RECK: variants seen among roughly 807,000 people sequenced by gnomAD.
RECK encodes the protein reversion-inducing cysteine-rich protein with Kazal motifs.
Under a neutral mutation model 115.1 loss-of-function variants are expected in RECK, and 69 were observed. The ratio of observed to expected loss-of-function variants is 0.60; its 90% CI spans 0.49 to 0.73. RECK has a LOEUF of 0.73. RECK is among the 30% of genes least tolerant of loss of function. The probability of loss-of-function intolerance (pLI) is 0.00; values close to 1 mark genes in which losing one functional copy is unlikely to be tolerated. For synonymous variants in RECK, 414 were observed against 419.7 expected, an observed-to-expected ratio of 0.99 and a Z score of 0.17; for missense variants, 1,047 against 1,203.7, an observed-to-expected ratio of 0.87 and a Z score of 1.93.
chr9:36,113,678 G>A (rs998225518), intron 16 of RECK, among the ~76,000 whole-genome samples: 2 of 152,110 alleles, frequency 1.3e-5, no homozygotes, highest in Non-Finnish European at 2.9e-5. Context: ...CATGGTAACA[G>A]ACAAATGACA....
At chr9:36,038,083 C>T (rs895785614) in intron 1 of RECK, among the ~76,000 whole-genome samples, 1 of 149,894 alleles carries the variant, frequency 6.7e-6, no homozygotes, top group African/African-American at 2.5e-5. Context: ...GAGGTGGAGG[C>T]GGGCGGATCC....
In RECK at chr9:36,083,536, C is replaced by T. The variant is rs140078883; in HGVS notation, c.611C>T (p.Ser204Phe). The T allele has an allele frequency of 5.2e-5, 84 of 1,613,584 alleles. No homozygotes were observed. The highest frequency in any genetic ancestry group is 7.1e-5 in the Non-Finnish European group (84 of 1,179,800). The change falls in exon 8 of 21, where the codon TCT becomes TTT. Residue 204 changes from serine to phenylalanine, a missense_variant. Transcript: ENST00000377966. ...LIHCVNNYTQ[S>F]YPMRNPTDSL... The stretch of plus-strand genomic sequence containing the variant: ...CATTGTGTGAACAATTATACTCAAT[C>T]TTATCCAATGAGGAACCCAACGGAT...
At position 36,117,058 on chromosome 9, in the gene RECK, A is replaced by G; in HGVS notation, c.2134A>G (p.Arg712Gly). 6.2e-7 allele frequency: 1 copy of G among 1,614,156 alleles called. No homozygotes were observed. The highest frequency in any genetic ancestry group is 8.5e-7 in the Non-Finnish European group (1 of 1,179,986). The change falls in exon 17 of 21, where the codon AGA becomes GGA. Residue 712 changes from arginine to glycine, a missense_variant. Physicochemically the swap from Arg to Gly is moderately radical, Grantham distance 125. Coordinates refer to ENST00000377966, the MANE Select transcript of RECK (RefSeq NM_021111.3). ...FGCSQYECVP[R>G]QLACDQVQDP... ...ATGTAGCCAGTATGAGTGTGTACCAAGACAGCTCGCGTGTGACCAGGTCCA... is the reference window on the plus strand; with the variant it reads ...ATGTAGCCAGTATGAGTGTGTACCAGGACAGCTCGCGTGTGACCAGGTCCA...
chr9:36,058,925 G>A lies in RECK; in HGVS notation c.234+24G>A, dbSNP rs370740368. The A allele has an allele frequency of 5.1e-4, 727 of 1,431,038 alleles. 10 individuals carry two copies. The South Asian group carries it at 0.01, about 20-fold the overall frequency. 88.6% of individuals were successfully genotyped at this position (1,431,038 alleles called of 1,614,324 possible). ...TGGTAAGTCTTATTGTAACTTAACT[G>A]TAGAAGCTTCTGTCTAAATGAAACT... is the stretch of plus-strand genomic sequence containing the variant. On this transcript the variant is annotated intron_variant, in intron 3 of 20. Transcript: ENST00000377966.
intron 1 of RECK, among the ~76,000 whole-genome samples, chr9:36,041,731 G>A (rs1047625104): frequency 6.7e-6 from 1 of 149,988 alleles, no homozygotes; most frequent in Non-Finnish European, 1.5e-5. Context: ...GCTTCTCTCT[G>A]TGCATCTCTT....
intron 12 of RECK, among the ~76,000 whole-genome samples, chr9:36,103,025 T>C (rs1823622319): frequency 6.6e-6 from 1 of 152,190 alleles, no homozygotes; most frequent in Admixed American, 6.5e-5. Context: ...CTTCAGTTTT[T>C]CTCTGCCAAA....
At chr9:36,117,201 C>T (rs1179949737) in intron 17 of RECK, 24 bp downstream of exon 17, 2 of 1,566,390 alleles carry the variant, frequency 1.3e-6, no homozygotes, top group Admixed American at 3.7e-5. Flanking sequence ...GCTGACAAAA[C>T]AAAGTACACT....
At chr9:36,084,073 G>T (rs1822841251) in intron 8 of RECK, among the ~76,000 whole-genome samples, 1 of 151,968 alleles carries the variant, frequency 6.6e-6, no homozygotes, top group East Asian at 1.9e-4. Context: ...ATAACACTTG[G>T]CAACCAACAA....
chr9:36,058,691 A>T (rs1169854465), intron 2 of RECK, 136 bp from the exon 3 acceptor site: 7 of 245,452 alleles, frequency 2.9e-5, no homozygotes, highest in African/African-American at 1.4e-4. Context: ...ATAAAAATTT[A>T]AAAATAAATA....
chr9:36,116,125 CTTTT>C (rs11313050), intron 16 of RECK, among the ~76,000 whole-genome samples: 4 of 124,442 alleles, frequency 3.2e-5, no homozygotes, highest in Admixed American at 1.7e-4. Flanking sequence ...AGAGTGAGGC[CTTTT>C]TTTTTTTTTT....
In RECK at chr9:36,121,514, A is replaced by T; in HGVS notation, c.2539-19A>T. On this transcript the variant is annotated intron_variant, in intron 19 of 20. Transcript: ENST00000377966. ...GGAATTCTTCTTTTTTTCAGGTAAT[A>T]CATGTTTTCTCTTTCCAGGTAACAA... 6.2e-7 allele frequency: 1 copy of T among 1,609,026 alleles called. No homozygotes were observed. Among genetic ancestry groups the T allele is most frequent in the Admixed American group, 1.7e-5 (1 of 59,536 alleles).
intron 6 of RECK, among the ~76,000 whole-genome samples, chr9:36,073,223 C>CACACACAGCA (rs1564113222): frequency 1.4e-5 from 2 of 140,432 alleles, no homozygotes; most frequent in African/African-American, 5.5e-5. Context: ...AACACACAGA[C>CACACACAGCA]ACACACAGAC....
intron 18 of RECK, 36 bp downstream of exon 18, chr9:36,119,003 T>G (rs374217619): frequency 9.5e-6 from 15 of 1,585,406 alleles, no homozygotes; most frequent in Middle Eastern, 2.3e-4. Flanking sequence ...AGGGGAGGAC[T>G]GAGAAGATTT....
chr9:36,090,846 A>G (rs1404580423), intron 9 of RECK, among the ~76,000 whole-genome samples: 1 of 151,728 alleles, frequency 6.6e-6, no homozygotes, highest in Non-Finnish European at 1.5e-5. Context: ...TAAAAAAGAA[A>G]TCAGAAAGAT....
intron 11 of RECK, among the ~76,000 whole-genome samples, chr9:36,101,887 G>A (rs780744576): frequency 9.9e-5 from 15 of 152,204 alleles, no homozygotes; most frequent in Non-Finnish European, 1.9e-4. Flanking sequence ...TACAATTTGA[G>A]TAAGGGCTTT....
At chr9:36,040,243 C>G (rs1466277668) in intron 1 of RECK, among the ~76,000 whole-genome samples, 1 of 152,108 alleles carries the variant, frequency 6.6e-6, no homozygotes, top group Non-Finnish European at 1.5e-5. Context: ...CATGAAGGAA[C>G]TAAACCAAAT....
intron 1 of RECK, among the ~76,000 whole-genome samples, chr9:36,044,047 A>G (rs956190305): frequency 4.6e-5 from 7 of 152,022 alleles, no homozygotes; most frequent in African/African-American, 1.7e-4. Flanking sequence ...GAATTTGTCT[A>G]TTGCTTTTGG....
intron 1 of RECK, among the ~76,000 whole-genome samples, chr9:36,040,822 T>C (rs538188269): frequency 6.6e-6 from 1 of 151,146 alleles, no homozygotes. Flanking sequence ...GTTTTTTTTT[T>C]AATCATGAGC....
At chr9:36,038,756 A>T (rs1484095762) in intron 1 of RECK, among the ~76,000 whole-genome samples, 2 of 152,160 alleles carry the variant, frequency 1.3e-5, no homozygotes, top group Non-Finnish European at 2.9e-5. Context: ...CACAAAACAC[A>T]TTAGATTCAC....
Sources: gnomAD v4.1 joint callset for allele counts (sites outside exome capture counted in the v4.1 genomes callset) on GRCh38, gnomAD v4.1.1 for gene constraint, MANE v1.5 for transcripts, NCBI Gene and HGNC (gene_info 2026-07-23, HGNC 2026-07-21) for gene names.